The following RAPGEF4 variants were observed in gnomAD, a reference collection of about 807,000 sequenced individuals.
RAPGEF4 encodes the protein RAP guanine-nucleotide-exchange factor (GEF) 4.
A neutral mutation model predicts 147.9 loss-of-function variants in RAPGEF4; 66 were observed. That is an observed-to-expected ratio of 0.45 (90% confidence interval 0.37 to 0.55). RAPGEF4 has a LOEUF of 0.55. Ranked by LOEUF, RAPGEF4 falls within the 20% of genes least tolerant of loss-of-function variation. The probability of loss-of-function intolerance (pLI) is 0.00; values close to 1 mark genes in which losing one functional copy is unlikely to be tolerated. For synonymous variants in RAPGEF4, 419 were observed against 442.7 expected (o/e 0.95, Z 0.67); for missense variants, 1,071 against 1,257.3 (o/e 0.85, Z 2.24).
rs369838179 is a variant in RAPGEF4, at chr2:172,961,179, C to T, written c.649C>T (p.Arg217Ter). 5.6e-6 allele frequency: 9 copies of T among 1,612,916 alleles called. No individual in the cohort carries two copies. The African/African-American group carries it at 8.0e-5, about 14-fold the overall frequency. ...GKILRNAILSRAPHMIRDRKY... is the reference protein window; with the variant it reads ...GKILRNAILS ...AATTTTACGAAATGCCATTCTCTCTCGAGCACCTCACATGATAAGAGATAG... is the reference window on the plus strand; with the variant it reads ...AATTTTACGAAATGCCATTCTCTCTTGAGCACCTCACATGATAAGAGATAG... The change falls in exon 8 of 31, where the codon CGA (arginine) becomes TGA (stop). Residue 217 changes from arginine to a stop codon, truncating the protein, a stop_gained. Coordinates refer to ENST00000397081, the MANE Select transcript of RAPGEF4 (RefSeq NM_007023.4). LOFTEE classifies it high-confidence loss of function.
At chr2:173,018,880 G>GT in intron 22 of RAPGEF4, 78 bp downstream of exon 22, 1 of 1,500,834 alleles carries the variant, frequency 6.7e-7, no homozygotes, top group Non-Finnish European at 9.1e-7. Flanking sequence ...AGGAGTTAGC[G>GT]TGGTCATGTG....
chr2:172,930,779 G>A (rs1169303297), intron 6 of RAPGEF4, among the ~76,000 whole-genome samples: 1 of 152,056 alleles, frequency 6.6e-6, no homozygotes, highest in African/African-American at 2.4e-5. Context: ...CAATTTGTTT[G>A]TGCTAATTTA....
At chr2:172,983,201 A>T (rs140346747) in intron 10 of RAPGEF4, among the ~76,000 whole-genome samples, 2 of 152,326 alleles carry the variant, frequency 1.3e-5, no homozygotes, top group African/African-American at 4.8e-5. Flanking sequence ...TCAATCATCT[A>T]CAAAGTGAGA....
intron 6 of RAPGEF4, among the ~76,000 whole-genome samples, chr2:172,938,953 C>A (rs12986507): frequency 0.81 from 123,563 of 152,206 alleles, 52,117 homozygotes; most frequent in East Asian, 0.98. Flanking sequence ...TTTCACTTAG[C>A]AATATGCACT....
At chr2:172,939,170 G>A (rs970116687) in intron 6 of RAPGEF4, among the ~76,000 whole-genome samples, 2 of 152,164 alleles carry the variant, frequency 1.3e-5, no homozygotes, top group Non-Finnish European at 2.9e-5. Flanking sequence ...AATCAGTTGG[G>A]TAATTCTTAG....
At chr2:172,780,646 A>G (rs1295257237) in intron 1 of RAPGEF4, among the ~76,000 whole-genome samples, 5 of 152,150 alleles carry the variant, frequency 3.3e-5, no homozygotes, top group Non-Finnish European at 7.3e-5. Context: ...TTGGAGTGGA[A>G]TATTCTGCTG....
chr2:172,996,741 A>C (rs1426968723), intron 16 of RAPGEF4, among the ~76,000 whole-genome samples, 187 bp downstream of exon 16: 1 of 152,172 alleles, frequency 6.6e-6, no homozygotes, highest in African/African-American at 2.4e-5. Context: ...TTCCCTCCCC[A>C]ATCCTGACTG....
intron 24 of RAPGEF4, 118 bp from the exon 25 acceptor site, chr2:173,026,963 C>A: frequency 2.1e-6 from 2 of 970,582 alleles, no homozygotes; most frequent in Non-Finnish European, 2.9e-6. Context: ...GGAAGCCCTT[C>A]AAGTCTGATT....
At chr2:172,862,850 G>A (rs572942796) in intron 4 of RAPGEF4, among the ~76,000 whole-genome samples, 7 of 152,170 alleles carry the variant, frequency 4.6e-5, no homozygotes, top group Non-Finnish European at 1.0e-4. Context: ...GTACCTGGGT[G>A]TTAGGAGGTG....
At chr2:172,917,997 A>G (rs1684262947) in intron 5 of RAPGEF4, 123 bp downstream of exon 5, 1 of 839,200 alleles carries the variant, frequency 1.2e-6, no homozygotes, top group Admixed American at 1.7e-5. Context: ...TTTGTGGATA[A>G]ACAAACCTGC....
chr2:173,036,343 C>A, intron 28 of RAPGEF4, 131 bp downstream of exon 28: 1 of 768,004 alleles, frequency 1.3e-6, no homozygotes. Context: ...TTGTCATCTC[C>A]TCTCAGTCCT....
chr2:172,881,708 G>T lies in RAPGEF4; in HGVS notation c.445-36094G>T, dbSNP rs759705051. 3.1e-4 allele frequency among the ~76,000 whole-genome samples: 47 copies of T among 152,334 alleles called. No individual in the cohort carries two copies. In the Middle Eastern group the frequency reaches 0.014, roughly 44 times the overall value. Reference sequence around the variant, plus strand: ...GCTTAAATAGTCTGTTAATATCAGTGAAAGTGCTAACATTTTGTTGTTAGA... The same window carrying T: ...GCTTAAATAGTCTGTTAATATCAGTTAAAGTGCTAACATTTTGTTGTTAGA... On this transcript the variant is annotated intron_variant, in intron 4 of 30. Transcript: ENST00000397081.
intron 1 of RAPGEF4, among the ~76,000 whole-genome samples, chr2:172,794,723 G>A (rs1013061526): frequency 1.3e-5 from 2 of 152,102 alleles, no homozygotes; most frequent in African/African-American, 2.4e-5. Context: ...GCATTTTCAT[G>A]TATCTTGTGC....
chr2:172,971,574 G>A (rs998792296), intron 10 of RAPGEF4, among the ~76,000 whole-genome samples: 1 of 152,064 alleles, frequency 6.6e-6, no homozygotes, highest in Admixed American at 6.6e-5. Context: ...GTTGCCCTTG[G>A]GATTTTTCCC....
At chr2:172,912,402 C>A (rs1683531393) in intron 4 of RAPGEF4, among the ~76,000 whole-genome samples, 1 of 152,128 alleles carries the variant, frequency 6.6e-6, no homozygotes, top group Non-Finnish European at 1.5e-5. Flanking sequence ...TTTAAAAAGT[C>A]TTTTGCGTAT....
intron 6 of RAPGEF4, among the ~76,000 whole-genome samples, chr2:172,937,464 A>G (rs897640761): frequency 3.9e-5 from 6 of 152,254 alleles, no homozygotes; most frequent in African/African-American, 1.2e-4. Context: ...GTTTTTCTCA[A>G]TATTAGACTG....
intron 4 of RAPGEF4, among the ~76,000 whole-genome samples, chr2:172,898,561 G>A (rs1001434212): frequency 2.6e-5 from 4 of 152,280 alleles, no homozygotes; most frequent in Middle Eastern, 3.4e-3. Flanking sequence ...AACAGGCATT[G>A]GGCAGGTTGT....
chr2:172,977,175 G>A (rs573548428), intron 10 of RAPGEF4, among the ~76,000 whole-genome samples: 4 of 152,088 alleles, frequency 2.6e-5, no homozygotes, highest in African/African-American at 4.8e-5. Context: ...CCTCCTGCTC[G>A]GGCACAGTGT....
At chr2:172,860,203 T>A in intron 4 of RAPGEF4, 1 of 985,230 alleles carries the variant, frequency 1.0e-6, no homozygotes, top group Non-Finnish European at 1.2e-6. Flanking sequence ...GTTGCCTGAG[T>A]AGTCCCATCA....
Sources: allele counts gnomAD v4.1 joint callset (sites outside exome capture counted in the v4.1 genomes callset), GRCh38; gene constraint gnomAD v4.1.1; transcripts MANE v1.5; gene names NCBI Gene and HGNC (gene_info 2026-07-23, HGNC 2026-07-21).